CCDC70: variants seen among roughly 807,000 people sequenced by gnomAD.
The protein encoded by CCDC70 is coiled-coil domain-containing protein 70.
In CCDC70, 4 loss-of-function variants were observed where a neutral mutation model predicts 9.1. The ratio of observed to expected loss-of-function variants is 0.44; its 90% CI spans 0.22 to 1.00. The LOEUF is 1.00. Among genes scored for constraint, CCDC70 ranks in the 50% least tolerant of loss-of-function variants. The probability of loss-of-function intolerance (pLI) is 0.25; values close to 1 mark genes in which losing one functional copy is unlikely to be tolerated. For synonymous variants in CCDC70, 119 were observed against 94.0 expected, an observed-to-expected ratio of 1.27 and a Z score of -1.54; for missense variants, 308 against 271.3, an observed-to-expected ratio of 1.14 and a Z score of -0.95.
Position 51,865,937 on chromosome 13 carries a change from G to A in CCDC70, c.526G>A (p.Glu176Lys). The A allele has an allele frequency of 6.2e-7, 1 of 1,614,084 alleles. No homozygotes were observed. The highest frequency in any genetic ancestry group is 8.5e-7 in the Non-Finnish European group (1 of 1,180,008). Residue 176 changes from glutamate (E) to lysine (K), a missense_variant, in exon 2 of 2, where the codon GAA becomes AAA. Physicochemically the swap from Glu to Lys is moderately conservative, Grantham distance 56 (BLOSUM62 1). Transcript: ENST00000242819. ...GGAAGATAAAACGTCCCTCTGGGAG[G>A]AAGAGAATGCCCTCTGGGAGGAAGA... ...LWEDKTSLWE[E>K]ENALWEEERA...
At position 51,865,897 on chromosome 13, in the gene CCDC70, G is replaced by A; in HGVS notation, c.486G>A (p.Gly162=). 1.2e-6 allele frequency: 2 copies of A among 1,613,868 alleles called. No homozygotes were observed. Among genetic ancestry groups the A allele is most frequent in the Non-Finnish European group, 1.7e-6 (2 of 1,179,914 alleles). ...TAGAGGAAAGAGCCCTCCTTGAGGG[G>A]GAGAAAGCCCTGTGGGAAGATAAAA... ...LWVEERALLE[G]EKALWEDKTS... Residue 162 remains glycine (G), a synonymous_variant, in exon 2 of 2, where the codon GGG becomes GGA. Coordinates refer to ENST00000242819, the MANE Select transcript of CCDC70 (RefSeq NM_031290.4).
chr13:51,865,636 T>C lies in CCDC70; in HGVS notation c.225T>C (p.Phe75=). 1 of 1,614,010 alleles carries C rather than the reference T, an allele frequency of 6.2e-7. No individual in the cohort carries two copies. Residue 75 remains phenylalanine, a synonymous_variant, in exon 2 of 2, where the codon TTT becomes TTC. Coordinates refer to ENST00000242819, the MANE Select transcript of CCDC70 (RefSeq NM_031290.4). ...CTTTCCGGGGCCAGATCCTGGGTTT[T>C]TGGGAAGAGGAGAGACCTTTCTGGG... ...IHAFRGQILG[F]WEEERPFWEE...
intron 1 of CCDC70, among the ~76,000 whole-genome samples, chr13:51,864,450 T>C (rs1956405113): frequency 6.6e-6 from 1 of 152,228 alleles, no homozygotes; most frequent in African/African-American, 2.4e-5. Flanking sequence ...ACAATGGCAT[T>C]TAGTCTTGCT....
chr13:51,865,495 G>A lies in CCDC70; in HGVS notation c.84G>A (p.Lys28=). 2 of 1,614,222 alleles carry A rather than the reference G, an allele frequency of 1.2e-6. No homozygotes were observed. Among genetic ancestry groups the A allele is most frequent in the Non-Finnish European group, 1.7e-6 (2 of 1,180,036 alleles). Residue 28 remains lysine, a synonymous_variant, in exon 2 of 2, where the codon AAG becomes AAA. Transcript: ENST00000242819. Reference sequence around the variant, plus strand: ...CATCCTCTCCCAGTATTCGCCAGAAGAAACTAATGCACAAGCTGCAGGAGG... The same window carrying A: ...CATCCTCTCCCAGTATTCGCCAGAAAAAACTAATGCACAAGCTGCAGGAGG... ...LAASSPSIRQ[K]KLMHKLQEEK...
rs1048411539 is a variant in CCDC70 at position 51,866,201 on chromosome 13, A to G, written c.*121A>G. 1 of 889,862 alleles carries G rather than the reference A, an allele frequency of 1.1e-6. No individual in the cohort carries two copies. The highest frequency in any genetic ancestry group is 3.1e-5 in the Admixed American group (1 of 32,260). 55.1% of individuals were successfully genotyped at this position (889,862 alleles called of 1,614,324 possible). A position where few individuals can be genotyped will look rare whatever the true frequency, so the allele number is the denominator to read the frequency against. ...TGGTCTCCTTGCTTTGAAAGATCCAATAAAGTCCTGAGGCAAGGTTTGGAA... is the reference window on the plus strand; with the variant it reads ...TGGTCTCCTTGCTTTGAAAGATCCAGTAAAGTCCTGAGGCAAGGTTTGGAA... On this transcript the variant is annotated 3_prime_UTR_variant, in exon 2 of 2. Coordinates refer to ENST00000242819, the MANE Select transcript of CCDC70 (RefSeq NM_031290.4).
At chr13:51,863,395 G>A (rs1007589452) in intron 1 of CCDC70, among the ~76,000 whole-genome samples, 2 of 152,214 alleles carry the variant, frequency 1.3e-5, no homozygotes, top group African/African-American at 2.4e-5. Context: ...AGGGGCAGAT[G>A]AGAGGGTAAG....
chr13:51,863,542 G>A (rs889908080), intron 1 of CCDC70, among the ~76,000 whole-genome samples: 1 of 152,056 alleles, frequency 6.6e-6, no homozygotes, highest in African/African-American at 2.4e-5. Flanking sequence ...TGGTTGAGGA[G>A]AGAAGTCTGG....
Position 51,866,098 on chromosome 13 carries a change from G to C in CCDC70, c.*18G>C. On this transcript the variant is annotated 3_prime_UTR_variant, in exon 2 of 2. Coordinates refer to ENST00000242819, the MANE Select transcript of CCDC70 (RefSeq NM_031290.4). The stretch of plus-strand genomic sequence containing the variant: ...GGGCGTAGCCAGCATGCAGGTGCAG[G>C]GCCCTGTGGTCCAGACTCCCCTGGG... 6.5e-7 allele frequency: 1 copy of C among 1,541,656 alleles called. No homozygotes were observed. Among genetic ancestry groups the C allele is most frequent in the Non-Finnish European group, 8.7e-7 (1 of 1,147,714 alleles).
chr13:51,863,031 T>C (rs1566369446), intron 1 of CCDC70, among the ~76,000 whole-genome samples: 1 of 152,224 alleles, frequency 6.6e-6, no homozygotes, highest in African/African-American at 2.4e-5. Context: ...CGAGGAACTT[T>C]GTCTGGAGGG....
At position 51,865,889 on chromosome 13, in the gene CCDC70, C is replaced by T; in HGVS notation, c.478C>T (p.Leu160Phe). The T allele has an allele frequency of 6.2e-7, 1 of 1,613,546 alleles. No individual in the cohort carries two copies. The highest frequency in any genetic ancestry group is 8.5e-7 in the Non-Finnish European group (1 of 1,179,802). Residue 160 changes from leucine to phenylalanine, a missense_variant, in exon 2 of 2, where the codon CTT (leucine) becomes TTT (phenylalanine). Transcript: ENST00000242819. ...CCTGTGGGTAGAGGAAAGAGCCCTC[C>T]TTGAGGGGGAGAAAGCCCTGTGGGA... The part of the protein sequence containing the change: ...KALWVEERAL[L>F]EGEKALWEDK...
At position 51,865,852 on chromosome 13, in the gene CCDC70, G is replaced by C; in HGVS notation, c.441G>C (p.Glu147Asp). 6.2e-7 allele frequency: 1 copy of C among 1,613,770 alleles called. No homozygotes were observed. Among genetic ancestry groups the C allele is most frequent in the Non-Finnish European group, 8.5e-7 (1 of 1,179,916 alleles). Residue 147 changes from glutamate (E) to aspartate (D), a missense_variant, in exon 2 of 2, where the codon GAG becomes GAC. Glu to Asp is a conservative substitution (Grantham distance 45). Coordinates refer to ENST00000242819, the MANE Select transcript of CCDC70 (RefSeq NM_031290.4). Reference sequence around the variant, plus strand: ...TTCAGGAGGACAAGGCCCTGTGGGAGGAAGAAAAGGCCCTGTGGGTAGAGG... The same window carrying C: ...TTCAGGAGGACAAGGCCCTGTGGGACGAAGAAAAGGCCCTGTGGGTAGAGG... Reference protein sequence around the residue: ...NLLQEDKALWEEEKALWVEER... With the variant: ...NLLQEDKALWDEEKALWVEER...
chr13:51,863,156 C>T (rs1019054486), intron 1 of CCDC70, among the ~76,000 whole-genome samples: 1 of 152,220 alleles, frequency 6.6e-6, no homozygotes, highest in Non-Finnish European at 1.5e-5. Flanking sequence ...CAGGAAACTG[C>T]AGGCAGAGTG....
At chr13:51,865,301 C>CA (rs1177938405) in intron 1 of CCDC70, 31 bp from the exon 2 acceptor site, 4 of 1,220,182 alleles carry the variant, frequency 3.3e-6, no homozygotes, top group Non-Finnish European at 4.6e-6. Flanking sequence ...ATGTGATACT[C>CA]ATAGATCTGT....
In CCDC70 at chr13:51,866,180, C is replaced by A; in HGVS notation, c.*100C>A. On this transcript the variant is annotated 3_prime_UTR_variant, in exon 2 of 2. Coordinates refer to ENST00000242819, the MANE Select transcript of CCDC70 (RefSeq NM_031290.4). ...CTGGAGAAAATACACACTCATTGGT[C>A]TCCTTGCTTTGAAAGATCCAATAAA... The A allele has an allele frequency of 2.0e-6, 2 of 1,004,270 alleles. No individual in the cohort carries two copies. Among genetic ancestry groups the A allele is most frequent in the Non-Finnish European group, 2.8e-6 (2 of 705,180 alleles). 62.2% of individuals were successfully genotyped at this position (1,004,270 alleles called of 1,614,324 possible).
At chr13:51,864,406 T>C (rs1956404834) in intron 1 of CCDC70, among the ~76,000 whole-genome samples, 1 of 152,210 alleles carries the variant, frequency 6.6e-6, no homozygotes, top group Admixed American at 6.5e-5. Context: ...ACTTCCTTGC[T>C]TTTCTCTTTC....
Position 51,865,889 on chromosome 13 carries a change from C to CTTGAGG in CCDC70, c.479_484dup (p.Glu161_Gly162insValGlu). On this transcript the variant is annotated inframe_insertion, in exon 2 of 2. Transcript: ENST00000242819. Reference sequence around the variant, plus strand: ...CCTGTGGGTAGAGGAAAGAGCCCTCCTTGAGGGGGAGAAAGCCCTGTGGGA... The same window carrying CTTGAGG: ...CCTGTGGGTAGAGGAAAGAGCCCTCCTTGAGGTTGAGGGGGAGAAAGCCCTGTGGGA... 1.2e-6 allele frequency: 2 copies of CTTGAGG among 1,613,546 alleles called. No individual in the cohort carries two copies. Among genetic ancestry groups the CTTGAGG allele is most frequent in the Non-Finnish European group, 1.7e-6 (2 of 1,179,802 alleles).
At chr13:51,864,815 C>T (rs937119695) in intron 1 of CCDC70, among the ~76,000 whole-genome samples, 32 of 152,164 alleles carry the variant, frequency 2.1e-4, no homozygotes, top group African/African-American at 7.2e-4. Flanking sequence ...CATTCACCAT[C>T]GTCTCTCACC....
Position 51,862,900 on chromosome 13 carries a change from C to T in CCDC70, c.-81+671C>T, listed in dbSNP as rs145464534. 5.9e-5 allele frequency among the ~76,000 whole-genome samples: 9 copies of T among 152,250 alleles called. No individual in the cohort carries two copies. In the East Asian group the frequency reaches 1.2e-3, roughly 20 times the overall value. Reference sequence around the variant, plus strand: ...TTTCACCAATTCCCTCCTATATAGGCGGCGTTATATTATGATAGCTGCTGG... The same window carrying T: ...TTTCACCAATTCCCTCCTATATAGGTGGCGTTATATTATGATAGCTGCTGG... On this transcript the variant is annotated intron_variant, in intron 1 of 1. Transcript: ENST00000242819.
intron 1 of CCDC70, among the ~76,000 whole-genome samples, chr13:51,863,603 C>T (rs1956396761): frequency 2.0e-5 from 3 of 151,834 alleles, no homozygotes. Flanking sequence ...GTTTGTGTGA[C>T]TGGATGGATG....
Sources: allele counts gnomAD v4.1 joint callset (sites outside exome capture counted in the v4.1 genomes callset), GRCh38; gene constraint gnomAD v4.1.1; transcripts MANE v1.5; gene names NCBI Gene and HGNC (gene_info 2026-07-23, HGNC 2026-07-21).